ZZEF1: variants seen among roughly 807,000 people sequenced by gnomAD.
ZZEF1 encodes the protein zinc finger ZZ-type and EF-hand domain-containing protein 1.
Under a neutral mutation model 342.8 loss-of-function variants are expected in ZZEF1, and 157 were observed. The ratio of observed to expected loss-of-function variants is 0.46; its 90% CI spans 0.40 to 0.52. The LOEUF (loss-of-function observed/expected upper bound fraction) is 0.52, where lower values mean the gene tolerates loss of function less well. Among genes scored for constraint, ZZEF1 ranks in the 20% least tolerant of loss-of-function variants. The pLI is 0.00. For missense variants in ZZEF1, 3,480 were observed against 3,725.6 expected (o/e 0.93, Z 1.72); for synonymous variants, 1,505 against 1,429.1 (o/e 1.05, Z -1.20).
At position 4,016,166 on chromosome 17, in the gene ZZEF1, T is replaced by G. The variant is rs1315076669; in HGVS notation, c.8145+157A>C. Among the ~76,000 whole-genome samples, 2 of 152,182 alleles carry G rather than the reference T, an allele frequency of 1.3e-5. No individual in the cohort carries two copies. The highest frequency in any genetic ancestry group is 1.3e-4 in the Admixed American group (2 of 15,284). On this transcript the variant is annotated intron_variant, in intron 49 of 54. Coordinates refer to ENST00000381638, the MANE Select transcript of ZZEF1 (RefSeq NM_015113.4). This position sits in a 1 kb window ranked among gnomAD's most constrained non-coding sequence, Gnocchi z 4.4. ...AATCCCTGGCCTCAGGGAGGCAGAC[T>G]GCAGTTTGTTCAAGGAAGCACTTTC...
rs749121277 is a variant in ZZEF1, at chr17:4,056,244, G to A, written c.5267C>T (p.Ala1756Val). ...CCTCTGCTTCTCTGGATCTTCCTGG[G>A]CTATTTTTTCATACCAGGCCTCAAA... ...GMFEAWYEKI[A>V]QEDPEKQRKM... Residue 1756 changes from alanine (A) to valine (V), a missense_variant, in exon 33 of 55, where the codon GCC (alanine) becomes GTC (valine). By Grantham distance (64) the Ala-to-Val change is moderately conservative. This residue lies in a region of ZZEF1 where 175 missense variants were observed against 254.6 expected (regional missense o/e 0.69). Coordinates refer to ENST00000381638, the MANE Select transcript of ZZEF1 (RefSeq NM_015113.4). 15 of 1,589,304 alleles carry A rather than the reference G, an allele frequency of 9.4e-6. No homozygotes were observed. The highest frequency in any genetic ancestry group is 2.7e-5 in the African/African-American group (2 of 74,252).
rs141552947 is a variant in ZZEF1 at position 4,098,099 on chromosome 17, G to A, written c.1673-1399C>T. Among the ~76,000 whole-genome samples the A allele has an allele frequency of 4.7e-3, 707 of 151,974 alleles. 6 individuals carry two copies. Among genetic ancestry groups the A allele is most frequent in the African/African-American group, 0.016 (674 of 41,416 alleles). On this transcript the variant is annotated intron_variant, in intron 9 of 54. Transcript: ENST00000381638. ...ACTAAAAACACAAAATTCGCCGGGC[G>A]TGGTGGCACACACCTGTAATCCCAG...
At position 4,017,842 on chromosome 17, in the gene ZZEF1, T is replaced by C; in HGVS notation, c.7635A>G (p.Pro2545=). 1 of 1,614,186 alleles carries C rather than the reference T, an allele frequency of 6.2e-7. No individual in the cohort carries two copies. Among genetic ancestry groups the C allele is most frequent in the Non-Finnish European group, 8.5e-7 (1 of 1,180,038 alleles). The change falls in exon 47 of 55, where the codon CCA becomes CCG. Residue 2545 remains proline (P), a synonymous_variant. Transcript: ENST00000381638. This position sits in a 1 kb window ranked among gnomAD's most constrained non-coding sequence, Gnocchi z 5.1. The part of the protein sequence containing the change: ...KAVDTDMIIL[P]CLSRPARCDQ... Reference sequence around the variant, plus strand: ...CCGAGGTCGGGTGACATACCAAGCATGGCAGGATAATCATGTCTGTATCCA... The same window carrying C: ...CCGAGGTCGGGTGACATACCAAGCACGGCAGGATAATCATGTCTGTATCCA...
chr17:4,019,323 T>C (rs2056201618), intron 46 of ZZEF1, among the ~76,000 whole-genome samples: 1 of 152,166 alleles, frequency 6.6e-6, no homozygotes, highest in Admixed American at 6.6e-5. Flanking sequence ...TTCTTAATTT[T>C]AAAAATATCT....
chr17:4,007,346 C>T (rs940009365), intron 54 of ZZEF1, among the ~76,000 whole-genome samples: 6 of 152,236 alleles, frequency 3.9e-5, no homozygotes, highest in Non-Finnish European at 5.9e-5. Flanking sequence ...AAAACAGGGC[C>T]AGGAGGGCAC....
At chr17:4,136,249 C>T (rs2058746165) in intron 1 of ZZEF1, among the ~76,000 whole-genome samples, 2 of 148,064 alleles carry the variant, frequency 1.4e-5, no homozygotes, top group African/African-American at 5.0e-5. Context: ...GAGGCTGAGG[C>T]AGGAGAATCG....
intron 1 of ZZEF1, 52 bp from the exon 2 acceptor site, chr17:4,124,103 C>G (rs748766329): frequency 1.2e-4 from 181 of 1,526,316 alleles, no homozygotes; most frequent in Non-Finnish European, 1.5e-4. Context: ...TAAACGAGGG[C>G]AGTTTCAAGT....
chr17:4,004,962 G>T lies in ZZEF1; in HGVS notation c.*1928C>A, dbSNP rs1362232679. On this transcript the variant is annotated 3_prime_UTR_variant, in exon 55 of 55. Coordinates refer to ENST00000381638, the MANE Select transcript of ZZEF1 (RefSeq NM_015113.4). Reference sequence around the variant, plus strand: ...GGGAGCCCAGCGTTTATTTACAGCTGATCTTCCTGACGGGAGGATGGAGTA... The same window carrying T: ...GGGAGCCCAGCGTTTATTTACAGCTTATCTTCCTGACGGGAGGATGGAGTA... 2 of 152,342 alleles carry T rather than the reference G, an allele frequency of 1.3e-5. No homozygotes were observed. The highest frequency in any genetic ancestry group is 4.8e-5 in the African/African-American group (2 of 41,472). The allele number at this position is 152,342 out of a possible 1,614,324, so 9.4% of individuals were successfully genotyped here. A position where few individuals can be genotyped will look rare whatever the true frequency, so the allele number is the denominator to read the frequency against.
At chr17:4,106,253 T>C (rs1038570455) in intron 6 of ZZEF1, among the ~76,000 whole-genome samples, 2 of 152,154 alleles carry the variant, frequency 1.3e-5, no homozygotes, top group Admixed American at 6.6e-5. Context: ...GCCTAAACTA[T>C]CCCTTTTTGC....
chr17:4,136,678 G>A (rs1000947370), intron 1 of ZZEF1, among the ~76,000 whole-genome samples: 27 of 152,144 alleles, frequency 1.8e-4, no homozygotes, highest in Non-Finnish European at 3.5e-4. Context: ...TGCTATGAAA[G>A]GGGTCCCTTT....
chr17:4,062,714 C>A (rs760812093), intron 30 of ZZEF1, 39 bp downstream of exon 30: 1 of 1,539,156 alleles, frequency 6.5e-7, no homozygotes, highest in East Asian at 2.4e-5. Context: ...TTACAATGAT[C>A]TTTGCTGTTT....
At chr17:4,055,877 C>T (rs1042349315) in intron 33 of ZZEF1, among the ~76,000 whole-genome samples, 1 of 152,160 alleles carries the variant, frequency 6.6e-6, no homozygotes, top group Non-Finnish European at 1.5e-5. Flanking sequence ...GGGATGGTTT[C>T]GGGATGAAAC....
At chr17:4,119,519 C>T (rs926880953) in intron 2 of ZZEF1, among the ~76,000 whole-genome samples, 2 of 152,162 alleles carry the variant, frequency 1.3e-5, no homozygotes, top group African/African-American at 4.8e-5. Context: ...ATGTCTATTC[C>T]AGTTATCCAC....
chr17:4,089,279 C>A (rs2057899475), intron 12 of ZZEF1, among the ~76,000 whole-genome samples: 3 of 152,154 alleles, frequency 2.0e-5, no homozygotes, highest in Admixed American at 2.0e-4. Context: ...ATATAGGCAA[C>A]CCCTAAGCTA....
intron 1 of ZZEF1, among the ~76,000 whole-genome samples, chr17:4,133,660 G>A (rs1164084083): frequency 5.9e-5 from 9 of 151,958 alleles, no homozygotes; most frequent in Admixed American, 5.9e-4. Context: ...AACTCCTGCT[G>A]TGTATTGCTA....
chr17:4,115,150 T>C (rs941649090), intron 3 of ZZEF1, among the ~76,000 whole-genome samples: 1 of 152,048 alleles, frequency 6.6e-6, no homozygotes, highest in African/African-American at 2.4e-5. Context: ...TTCTCCCAAG[T>C]AGCCGGGACT....
At chr17:4,097,044 G>A (rs1424048624) in intron 9 of ZZEF1, among the ~76,000 whole-genome samples, 1 of 151,838 alleles carries the variant, frequency 6.6e-6, no homozygotes, top group African/African-American at 2.4e-5. Context: ...GGTGGATCAC[G>A]AGATCAGGAG....
At chr17:4,066,155 C>T (rs189830040) in intron 28 of ZZEF1, among the ~76,000 whole-genome samples, 4 of 152,150 alleles carry the variant, frequency 2.6e-5, no homozygotes, top group Admixed American at 1.3e-4. Flanking sequence ...GGAGACAGAA[C>T]GAGACCCCAT....
chr17:4,088,582 C>A (rs138652833), intron 13 of ZZEF1, 96 bp downstream of exon 13: 3 of 1,354,504 alleles, frequency 2.2e-6, no homozygotes, highest in Admixed American at 4.0e-5. Flanking sequence ...TATTGGCTTC[C>A]GCAGGGGCAG....
Sources: gnomAD v4.1 joint callset for allele counts (sites outside exome capture counted in the v4.1 genomes callset) on GRCh38, gnomAD v4.1.1 for gene constraint, gnomAD v4.1.1 regional missense constraint, Gnocchi (gnomAD v3.1) non-coding constraint, MANE v1.5 for transcripts, NCBI Gene and HGNC (gene_info 2026-07-23, HGNC 2026-07-21) for gene names.